KRT20: variants seen among roughly 807,000 people sequenced by gnomAD.
KRT20 encodes keratin, type I cytoskeletal 20.
A neutral mutation model predicts 43.0 loss-of-function variants in KRT20; 41 were observed. The ratio of observed to expected loss-of-function variants is 0.95; its 90% confidence interval spans 0.74 to 1.24. KRT20 has a LOEUF of 1.24. KRT20 is among the 50% of genes most tolerant of loss of function. The pLI is 0.00. For synonymous variants in KRT20, 207 were observed against 200.6 expected, an observed-to-expected ratio of 1.03 and a Z score of -0.27; for missense variants, 533 against 521.2, an observed-to-expected ratio of 1.02 and a Z score of -0.22.
chr17:40,877,469 T>A, intron 6 of KRT20, 52 bp from the exon 7 acceptor site: 1 of 1,214,080 alleles, frequency 8.2e-7, no homozygotes, highest in Non-Finnish European at 1.1e-6. Context: ...AAAAGCATTA[T>A]TGCTGTTTTG....
At chr17:40,881,937 A>C (rs577207286) in intron 2 of KRT20, among the ~76,000 whole-genome samples, 1 of 150,878 alleles carries the variant, frequency 6.6e-6, no homozygotes, top group East Asian at 2.0e-4. Flanking sequence ...CAATGGCACG[A>C]TCTCAGCTCA....
At chr17:40,876,763 T>C (rs978827709) in intron 7 of KRT20, among the ~76,000 whole-genome samples, 2 of 152,168 alleles carry the variant, frequency 1.3e-5, no homozygotes, top group African/African-American at 4.8e-5. Context: ...AAGATAGCAA[T>C]AGCACAGGCC....
At chr17:40,877,551 C>A in intron 6 of KRT20, 134 bp from the exon 7 acceptor site, 1 of 526,674 alleles carries the variant, frequency 1.9e-6, no homozygotes, top group South Asian at 3.6e-5. Flanking sequence ...ATATATCTTT[C>A]CCTTTTACAT....
chr17:40,880,025 A>G (rs1481423201), intron 4 of KRT20, 75 bp downstream of exon 4: 2 of 1,595,368 alleles, frequency 1.3e-6, no homozygotes, highest in African/African-American at 1.4e-5. Flanking sequence ...TGAACAAATG[A>G]AAAAGAAAAT....
chr17:40,883,777 G>A (rs1376498124), intron 1 of KRT20, among the ~76,000 whole-genome samples: 1 of 152,176 alleles, frequency 6.6e-6, no homozygotes, highest in Non-Finnish European at 1.5e-5. Context: ...GGTGTGGTTC[G>A]AACATTTTTA....
chr17:40,880,334 A>G, intron 3 of KRT20, 73 bp from the exon 4 acceptor site: 1 of 1,376,040 alleles, frequency 7.3e-7, no homozygotes, highest in Non-Finnish European at 9.9e-7. Context: ...GAAAAGACAT[A>G]AGGAGTCTCA....
Position 40,884,948 on chromosome 17 carries a change from G to A in KRT20, c.238C>T (p.Arg80Cys). The change falls in exon 1 of 8, where the codon CGT (arginine) becomes TGT (cysteine). Residue 80 changes from arginine to cysteine, a missense_variant. Transcript: ENST00000167588. The part of the protein sequence containing the change: ...EKMAMQNLND[R>C]LASYLEKVRT... The stretch of plus-strand genomic sequence containing the variant: ...ACCTTTTCTAGGTAGCTCGCTAGAC[G>A]GTCATTTAGGTTCTGCATGGCCATT... 1.9e-6 allele frequency: 3 copies of A among 1,614,202 alleles called. No homozygotes were observed. Among genetic ancestry groups the A allele is most frequent in the Non-Finnish European group, 2.5e-6 (3 of 1,180,046 alleles).
chr17:40,879,448 G>A (rs1278672943), intron 5 of KRT20, among the ~76,000 whole-genome samples: 1 of 152,082 alleles, frequency 6.6e-6, no homozygotes, highest in Non-Finnish European at 1.5e-5. Flanking sequence ...TAACCAATGG[G>A]TATTAGGTTT....
Position 40,876,426 on chromosome 17 carries a change from C to A in KRT20, c.1210G>T (p.Val404Leu). ...IKKTRKIKTVVQEVVDGKVVS... is the reference protein window; with the variant it reads ...IKKTRKIKTVLQEVVDGKVVS... ...ACCTTGCCATCCACTACTTCTTGCA[C>A]GACTGTCTTAATCTTCCTGGTTTTC... Residue 404 changes from valine (V) to leucine (L), a missense_variant, in exon 8 of 8, where the codon GTG (valine) becomes TTG (leucine). Physicochemically the swap from Val to Leu is conservative, Grantham distance 32. Transcript: ENST00000167588. 6.2e-7 allele frequency: 1 copy of A among 1,612,820 alleles called. No individual in the cohort carries two copies. The highest frequency in any genetic ancestry group is 8.5e-7 in the Non-Finnish European group (1 of 1,178,980).
chr17:40,880,833 T>C, intron 2 of KRT20, 63 bp from the exon 3 acceptor site: 2 of 1,274,354 alleles, frequency 1.6e-6, no homozygotes, highest in Non-Finnish European at 2.1e-6. Context: ...GGAGAGAATC[T>C]AATATAATGG....
chr17:40,881,417 T>A (rs866399914), intron 2 of KRT20, among the ~76,000 whole-genome samples: 4 of 151,284 alleles, frequency 2.6e-5, no homozygotes, highest in Middle Eastern at 3.4e-3. Context: ...CCCAGCTAAT[T>A]TTTTTTGTAT....
chr17:40,883,911 T>A lies in KRT20; in HGVS notation c.390+885A>T, dbSNP rs1018002347. 5.4e-4 allele frequency among the ~76,000 whole-genome samples: 82 copies of A among 152,378 alleles called. 1 individual carries two copies. Among genetic ancestry groups the A allele is most frequent in the Non-Finnish European group, 9.4e-4 (64 of 68,028 alleles). ...TGGAGTCCGAATCAAATTGCCCTGA[T>A]GTTTAGTACAACTCAAGAAAAACAG... is the stretch of plus-strand genomic sequence containing the variant. On this transcript the variant is annotated intron_variant, in intron 1 of 7. Coordinates refer to ENST00000167588, the MANE Select transcript of KRT20 (RefSeq NM_019010.3).
In KRT20 at chr17:40,882,565, A is replaced by G; in HGVS notation, c.473+7T>C. 6.5e-7 allele frequency: 1 copy of G among 1,530,580 alleles called. No individual in the cohort carries two copies. The highest frequency in any genetic ancestry group is 8.8e-7 in the Non-Finnish European group (1 of 1,131,558). 94.8% of individuals were successfully genotyped at this position (1,530,580 alleles called of 1,614,324 possible). ...CAGAAACTTTTGCCACGTATTAGGG[A>G]ACCTACTTCAGTCTGAAGTCCTCAG... On this transcript the variant is annotated splice_region_variant and intron_variant, in intron 2 of 7. Coordinates refer to ENST00000167588, the MANE Select transcript of KRT20 (RefSeq NM_019010.3).
At chr17:40,876,904 G>C (rs1907371430) in intron 7 of KRT20, among the ~76,000 whole-genome samples, 1 of 152,164 alleles carries the variant, frequency 6.6e-6, no homozygotes, top group African/African-American at 2.4e-5. Flanking sequence ...GCTATGGTTT[G>C]AATGTGTTCC....
intron 5 of KRT20, among the ~76,000 whole-genome samples, chr17:40,879,107 T>G (rs1555553567): frequency 6.6e-6 from 1 of 152,214 alleles, no homozygotes; most frequent in Non-Finnish European, 1.5e-5. Flanking sequence ...AGCTATCAAG[T>G]GGACCAACCA....
Position 40,879,937 on chromosome 17 carries a change from G to C in KRT20, c.794C>G (p.Thr265Ser). ...TGTGACCTGTTGCTGCAGAACTGCAGTCTACAGTGCCAAGAGTGAAAAAAA... is the reference window on the plus strand; with the variant it reads ...TGTGACCTGTTGCTGCAGAACTGCACTCTACAGTGCCAAGAGTGAAAAAAA... Reference protein sequence around the residue: ...QEAKEQFERQTAVLQQQVTVN... With the variant: ...QEAKEQFERQSAVLQQQVTVN... The change falls in exon 5 of 8, where the codon ACT becomes AGT. Residue 265 changes from threonine to serine, a missense_variant and splice_region_variant. Physicochemically the swap from Thr to Ser is moderately conservative, Grantham distance 58. Coordinates refer to ENST00000167588, the MANE Select transcript of KRT20 (RefSeq NM_019010.3). 1 of 1,613,694 alleles carries C rather than the reference G, an allele frequency of 6.2e-7. No individual in the cohort carries two copies. The highest frequency in any genetic ancestry group is 1.1e-5 in the South Asian group (1 of 91,032).
intron 5 of KRT20, among the ~76,000 whole-genome samples, chr17:40,878,685 G>A (rs1180565418): frequency 6.6e-6 from 1 of 152,176 alleles, no homozygotes; most frequent in African/African-American, 2.4e-5. Flanking sequence ...ACCTGGCCAT[G>A]TGATCTGTGG....
rs910809165 is a variant in KRT20 at position 40,877,310 on chromosome 17, T to C, written c.1177+70A>G. ...GACTAAAACAGCCTCACTTTACTTT[T>C]TATCAGTGGCATGTAGTTAATAGAA... is the stretch of plus-strand genomic sequence containing the variant. On this transcript the variant is annotated intron_variant, in intron 7 of 7. Coordinates refer to ENST00000167588, the MANE Select transcript of KRT20 (RefSeq NM_019010.3). 3 of 1,070,168 alleles carry C rather than the reference T, an allele frequency of 2.8e-6. No homozygotes were observed. In the African/African-American group the frequency reaches 5.0e-5, roughly 18 times the overall value. The allele number at this position is 1,070,168 out of a possible 1,614,324, so 66.3% of individuals were successfully genotyped here.
At position 40,879,802 on chromosome 17, in the gene KRT20, A is replaced by G. The variant is rs1178726051; in HGVS notation, c.918+11T>C. 1 of 1,612,564 alleles carries G rather than the reference A, an allele frequency of 6.2e-7. No individual in the cohort carries two copies. Among genetic ancestry groups the G allele is most frequent in the Admixed American group, 1.7e-5 (1 of 59,758 alleles). Reference sequence around the variant, plus strand: ...TACTAGATTGAGAAAGAGAAGTTAGATATGCTTTACCATGCTGAGATGGGA... The same window carrying G: ...TACTAGATTGAGAAAGAGAAGTTAGGTATGCTTTACCATGCTGAGATGGGA... On this transcript the variant is annotated intron_variant, in intron 5 of 7. Transcript: ENST00000167588.
Sources: gnomAD v4.1 joint callset for allele counts (sites outside exome capture counted in the v4.1 genomes callset) on GRCh38, gnomAD v4.1.1 for gene constraint, MANE v1.5 for transcripts, NCBI Gene and HGNC (gene_info 2026-07-23, HGNC 2026-07-21) for gene names.